KIAA1671: variants seen among roughly 807,000 people sequenced by gnomAD.
KIAA1671 encodes the protein uncharacterized protein KIAA1671.
KIAA1671 carries 52 observed loss-of-function variants against 131.2 expected under a neutral mutation model. The ratio of observed to expected loss-of-function variants is 0.40; its 90% CI spans 0.32 to 0.50. The LOEUF (loss-of-function observed/expected upper bound fraction) is 0.50. KIAA1671 is among the 20% of genes least tolerant of loss of function. The pLI is 0.73. For synonymous variants in KIAA1671, 1,003 were observed against 961.6 expected (o/e 1.04, Z -0.80); for missense variants, 2,360 against 2,364.2 (o/e 1.00, Z 0.04).
intron 6 of KIAA1671, among the ~76,000 whole-genome samples, chr22:25,068,499 C>G (rs577697378): frequency 6.6e-6 from 1 of 152,010 alleles, no homozygotes; most frequent in Admixed American, 6.5e-5. Context: ...TGCAGTGGCA[C>G]GATCTCGGCT....
At position 25,028,731 on chromosome 22, in the gene KIAA1671, T is replaced by C; in HGVS notation, c.732T>C (p.Ser244=). ...CTCGCCTGAAGAGAAGGCCCGTGTC[T>C]GCCATTTTCACGGAGTCCATTCAGC... The part of the protein sequence containing the change: ...PRPRLKRRPV[S]AIFTESIQPQ... Residue 244 remains serine, a synonymous_variant, in exon 3 of 13, where the codon TCT becomes TCC. Transcript: ENST00000358431. The C allele has an allele frequency of 2.6e-6, 4 of 1,551,266 alleles. No homozygotes were observed. Among genetic ancestry groups the C allele is most frequent in the Non-Finnish European group, 3.5e-6 (4 of 1,147,006 alleles).
chr22:24,967,019 C>T (rs1172546436), intron 1 of KIAA1671, among the ~76,000 whole-genome samples: 1 of 152,168 alleles, frequency 6.6e-6, no homozygotes, highest in Non-Finnish European at 1.5e-5. Context: ...AGTTTTAGTC[C>T]AGCTTCTGTG....
intron 1 of KIAA1671, chr22:25,012,035 C>T (rs1392350765): frequency 6.6e-6 from 1 of 152,176 alleles, no homozygotes; most frequent in Non-Finnish European, 1.5e-5. Flanking sequence ...AATTGGGTCA[C>T]ATGGCCACTT....
chr22:25,038,925 G>A lies in KIAA1671; in HGVS notation c.1795G>A (p.Val599Ile), dbSNP rs868093877. 740 of 1,551,724 alleles carry A rather than the reference G, an allele frequency of 4.8e-4. 5 individuals are homozygous for A. In the African/African-American group the frequency reaches 8.6e-3, roughly 18 times the overall value. ...AGTGGAGGCCCCGTGCCCTTCTGAC[G>A]TCACTCCAGAGGATGACCGGAGCTT... ...SSVEAPCPSDVTPEDDRSFQT... is the reference protein window; with the variant it reads ...SSVEAPCPSDITPEDDRSFQT... The change falls in exon 5 of 13, where the codon GTC (valine) becomes ATC (isoleucine). Residue 599 changes from valine to isoleucine, a missense_variant. Physicochemically the swap from Val to Ile is conservative, Grantham distance 29. This residue lies in a region of KIAA1671 where 1,185 missense variants were observed against 1,126.2 expected (regional missense o/e 1.05). Coordinates refer to ENST00000358431, the MANE Select transcript of KIAA1671 (RefSeq NM_001145206.2).
At chr22:25,018,190 C>G (rs1925442180) in intron 1 of KIAA1671, among the ~76,000 whole-genome samples, 1 of 152,054 alleles carries the variant, frequency 6.6e-6, no homozygotes, top group East Asian at 1.9e-4. Context: ...TTTCCTCCTC[C>G]CCTACTAGAG....
intron 6 of KIAA1671, among the ~76,000 whole-genome samples, chr22:25,164,892 G>A (rs1219585358): frequency 6.6e-6 from 1 of 151,108 alleles, no homozygotes; most frequent in Non-Finnish European, 1.5e-5. Flanking sequence ...AGCTTGCAGT[G>A]AGCCGAGATT....
chr22:24,975,461 G>A (rs964577817), intron 1 of KIAA1671, among the ~76,000 whole-genome samples: 2 of 152,066 alleles, frequency 1.3e-5, no homozygotes, highest in African/African-American at 2.4e-5. Flanking sequence ...TGGGGTGCAG[G>A]TGTGTGCCAC....
intron 11 of KIAA1671, chr22:25,185,351 G>T (rs1268343655): frequency 2.1e-6 from 1 of 483,836 alleles, no homozygotes; most frequent in Admixed American, 3.7e-5. Context: ...CCTCTTCCCC[G>T]CCCACTGCCA....
In KIAA1671 at chr22:25,028,317, G is replaced by A; in HGVS notation, c.318G>A (p.Leu106=). 4 of 1,551,004 alleles carry A rather than the reference G, an allele frequency of 2.6e-6. No individual in the cohort carries two copies. The highest frequency in any genetic ancestry group is 3.5e-6 in the Non-Finnish European group (4 of 1,147,004). ...CTGAGGAGCCAGCAGCAAAGGATCT[G>A]GACAACAGGATGCCCGGCTTGGTGG... is the stretch of plus-strand genomic sequence containing the variant. ...GLSEEPAAKD[L]DNRMPGLVGQ... The change falls in exon 3 of 13, where the codon CTG becomes CTA. Residue 106 remains leucine, a synonymous_variant. Transcript: ENST00000358431.
chr22:25,027,428 G>A (rs1035919115), intron 2 of KIAA1671, among the ~76,000 whole-genome samples: 30 of 152,308 alleles, frequency 2.0e-4, no homozygotes, highest in African/African-American at 7.0e-4. Context: ...GATCACCTGG[G>A]ATGTGGGCAG....
At chr22:25,074,496 C>CAAA (rs759898395) in intron 6 of KIAA1671, among the ~76,000 whole-genome samples, 22 of 64,064 alleles carry the variant, frequency 3.4e-4, no homozygotes, top group Middle Eastern at 0.011. Context: ...GGCTGTGTCT[C>CAAA]AAAAAAAAAA....
At chr22:25,155,587 C>T (rs1933204423) in intron 6 of KIAA1671, among the ~76,000 whole-genome samples, 1 of 150,786 alleles carries the variant, frequency 6.6e-6, no homozygotes, top group African/African-American at 2.4e-5. Flanking sequence ...TACATTTGTG[C>T]ATGTGTATGT....
At chr22:25,085,895 C>T (rs1029679996) in intron 6 of KIAA1671, among the ~76,000 whole-genome samples, 10 of 152,080 alleles carry the variant, frequency 6.6e-5, no homozygotes, top group Non-Finnish European at 1.3e-4. Flanking sequence ...AATAAATACT[C>T]ACTGCACTGG....
At position 25,039,932 on chromosome 22, in the gene KIAA1671, G is replaced by A; in HGVS notation, c.2802G>A (p.Met934Ile). The A allele has an allele frequency of 6.4e-7, 1 of 1,551,540 alleles. No individual in the cohort carries two copies. The highest frequency in any genetic ancestry group is 8.7e-7 in the Non-Finnish European group (1 of 1,146,978). The part of the protein sequence containing the change: ...PAQVPQPAVR[M>I]RKAGAMDQRM... ...AGGTGCCACAGCCTGCAGTCAGAAT[G>A]CGGAAAGCCGGCGCCATGGACCAGA... is the stretch of plus-strand genomic sequence containing the variant. The change falls in exon 5 of 13, where the codon ATG becomes ATA. Residue 934 changes from methionine to isoleucine, a missense_variant. Met to Ile is a conservative substitution (Grantham distance 10). Around this residue, in one of 3 missense-constraint regions of KIAA1671, gnomAD observed 1,161 missense variants for 1,204.7 expected, o/e 0.96. Transcript: ENST00000358431.
intron 6 of KIAA1671, among the ~76,000 whole-genome samples, chr22:25,103,559 C>T (rs192554529): frequency 7.2e-5 from 11 of 152,270 alleles, no homozygotes; most frequent in Admixed American, 2.0e-4. Flanking sequence ...GAGGTTTCAC[C>T]GTGTTAGCCA....
intron 6 of KIAA1671, among the ~76,000 whole-genome samples, chr22:25,071,855 C>T (rs1214438288): frequency 4.6e-5 from 7 of 152,180 alleles, no homozygotes; most frequent in African/African-American, 1.4e-4. Flanking sequence ...AGGAGCAAGA[C>T]GGCATGGTCC....
chr22:25,069,928 T>C (rs1928717366), intron 6 of KIAA1671: 1 of 157,404 alleles, frequency 6.4e-6, no homozygotes, highest in Non-Finnish European at 1.4e-5. Flanking sequence ...TAAAAGCATG[T>C]ACACACACAC....
At chr22:25,145,783 A>T (rs977531392) in intron 6 of KIAA1671, among the ~76,000 whole-genome samples, 1 of 152,050 alleles carries the variant, frequency 6.6e-6, no homozygotes, top group South Asian at 2.1e-4. Flanking sequence ...TACAAAAAAA[A>T]TTAAAAACTA....
At chr22:25,184,908 A>G (rs1428921131) in intron 10 of KIAA1671, 69 bp from the exon 11 acceptor site, 9 of 1,537,240 alleles carry the variant, frequency 5.9e-6, no homozygotes, top group Non-Finnish European at 7.9e-6. Flanking sequence ...TGTACCTGAC[A>G]TTTGCATGGG....
Sources: allele counts gnomAD v4.1 joint callset (sites outside exome capture counted in the v4.1 genomes callset), GRCh38; gene constraint gnomAD v4.1.1; regional missense constraint gnomAD v4.1.1; transcripts MANE v1.5; gene names NCBI Gene and HGNC (gene_info 2026-07-23, HGNC 2026-07-21).